The following PDZD2 variants were observed in gnomAD, a reference collection of about 807,000 sequenced individuals.
PDZD2 encodes the protein PDZ domain containing 2, also known as PDZ domain-containing protein 2.
PDZD2 carries 90 observed loss-of-function variants against 220.7 expected under a neutral mutation model. The observed-to-expected ratio is 0.41, with a 90% CI of 0.34 to 0.49. The LOEUF is 0.49. Ranked by LOEUF, PDZD2 falls within the 20% of genes least tolerant of loss-of-function variation. The pLI is 0.28. For missense variants in PDZD2, 3,174 were observed against 3,608.5 expected (o/e 0.88, Z 3.08); for synonymous variants, 1,375 against 1,450.5 (o/e 0.95, Z 1.18).
intron 1 of PDZD2, among the ~76,000 whole-genome samples, chr5:31,716,892 C>G (rs1241045872): frequency 1.3e-5 from 2 of 152,004 alleles, no homozygotes; most frequent in Non-Finnish European, 2.9e-5. Flanking sequence ...TAATACCTGG[C>G]CCTGGATGAT....
In PDZD2 at chr5:31,663,162, T is replaced by C. The variant is rs114413738; in HGVS notation, c.-361+23725T>C. Among the ~76,000 whole-genome samples, 182 of 152,310 alleles carry C rather than the reference T, an allele frequency of 1.2e-3. 1 individual carries two copies. The highest frequency in any genetic ancestry group is 4.2e-3 in the African/African-American group (176 of 41,582). On this transcript the variant is annotated intron_variant, in intron 1 of 24. Coordinates refer to ENST00000438447, the MANE Select transcript of PDZD2 (RefSeq NM_178140.4). ...TAAATTAAGCTACCCATAAAAAATATCCTGTTTCTGTTAGGAATAAGTTCC... is the reference window on the plus strand; with the variant it reads ...TAAATTAAGCTACCCATAAAAAATACCCTGTTTCTGTTAGGAATAAGTTCC...
In PDZD2 at chr5:32,110,231, A is replaced by C. The variant is rs879942651; in HGVS notation, c.*2096A>C. 6.5e-6 allele frequency: 1 copy of C among 152,690 alleles called. No individual in the cohort carries two copies. Among genetic ancestry groups the C allele is most frequent in the East Asian group, 1.9e-4 (1 of 5,208 alleles). 9.5% of individuals were successfully genotyped at this position (152,690 alleles called of 1,614,324 possible). A position where few individuals can be genotyped will look rare whatever the true frequency, so the allele number is the denominator to read the frequency against. On this transcript the variant is annotated 3_prime_UTR_variant, in exon 25 of 25. Coordinates refer to ENST00000438447, the MANE Select transcript of PDZD2 (RefSeq NM_178140.4). Reference sequence around the variant, plus strand: ...GTGAACAGACAGGAATTTCTTGTGCAATGTGGAGCAAATGGAATGGTCTCC... The same window carrying C: ...GTGAACAGACAGGAATTTCTTGTGCCATGTGGAGCAAATGGAATGGTCTCC...
intron 19 of PDZD2, chr5:32,077,817 C>A (rs973040130): frequency 2.2e-6 from 1 of 456,376 alleles, no homozygotes; most frequent in Non-Finnish European, 4.1e-6. Context: ...ATTAGCCGGG[C>A]GTGGTGGTGC....
chr5:31,727,028 T>C (rs548999934), intron 1 of PDZD2, among the ~76,000 whole-genome samples: 6 of 151,408 alleles, frequency 4.0e-5, no homozygotes, highest in Non-Finnish European at 8.8e-5. Context: ...AGAGAAAGGG[T>C]GGGGGTGCCA....
chr5:31,816,482 G>T (rs939333142), intron 2 of PDZD2, among the ~76,000 whole-genome samples: 28 of 152,010 alleles, frequency 1.8e-4, no homozygotes, highest in African/African-American at 6.3e-4. Context: ...ACTACTTTTC[G>T]AAAGAAAGTC....
At chr5:32,064,961 T>C (rs1740081441) in intron 14 of PDZD2, among the ~76,000 whole-genome samples, 1 of 151,490 alleles carries the variant, frequency 6.6e-6, no homozygotes, top group South Asian at 2.1e-4. Flanking sequence ...GAGCAAGACT[T>C]TGTCTCAAAA....
At chr5:31,775,889 G>A (rs894460667) in intron 1 of PDZD2, among the ~76,000 whole-genome samples, 40 of 151,980 alleles carry the variant, frequency 2.6e-4, no homozygotes, top group African/African-American at 9.2e-4. Flanking sequence ...TGGCTCTCCC[G>A]GGCCCTGTGG....
At chr5:31,997,908 T>C (rs903036764) in intron 4 of PDZD2, among the ~76,000 whole-genome samples, 22 of 152,210 alleles carry the variant, frequency 1.4e-4, no homozygotes, top group Admixed American at 2.0e-4. Context: ...AGTGGCGCGA[T>C]CTCGGCTCAC....
chr5:31,998,980 C>T (rs958975522), intron 4 of PDZD2, among the ~76,000 whole-genome samples: 5 of 152,250 alleles, frequency 3.3e-5, no homozygotes, highest in Admixed American at 3.3e-4. Flanking sequence ...GTGGAATCCA[C>T]AGAACTGTTG....
intron 2 of PDZD2, among the ~76,000 whole-genome samples, chr5:31,949,123 A>G (rs958659828): frequency 7.0e-6 from 1 of 143,334 alleles, no homozygotes; most frequent in Non-Finnish European, 1.5e-5. Context: ...AAAAAAAAAA[A>G]TAGTGTTCCT....
intron 1 of PDZD2, among the ~76,000 whole-genome samples, chr5:31,698,821 G>A (rs1747489999): frequency 6.6e-6 from 1 of 152,220 alleles, no homozygotes; most frequent in African/African-American, 2.4e-5. Flanking sequence ...AGTACCTGCA[G>A]ATTCGGGCGG....
chr5:32,029,329 T>TAAAAAAAAAAAAAAAAAAAAAAAAAAAA lies in PDZD2; in HGVS notation c.1408-7878_1408-7877insAAAAAAAAAAAAAAAAAAAAAAAAAAAA, dbSNP rs34025632. 4.6e-5 allele frequency among the ~76,000 whole-genome samples: 3 copies of TAAAAAAAAAAAAAAAAAAAAAAAAAAAA among 65,834 alleles called. 1 individual carries two copies. The highest frequency in any genetic ancestry group is 5.9e-5 in the African/African-American group (1 of 17,024). The allele number at this position is 65,834 out of a possible 152,430, so 43.2% of individuals were successfully genotyped here. A position where few individuals can be genotyped will look rare whatever the true frequency, so the allele number is the denominator to read the frequency against. ...TTGCCAAAGGTAGTATCAAGAACTGTAAAAAAAAAAAAAAAAAAAAAAAAG... is the reference window on the plus strand; with the variant it reads ...TTGCCAAAGGTAGTATCAAGAACTGTAAAAAAAAAAAAAAAAAAAAAAAAAAAAAAAAAAAAAAAAAAAAAAAAAAAAG... On this transcript the variant is annotated intron_variant, in intron 6 of 24. Coordinates refer to ENST00000438447, the MANE Select transcript of PDZD2 (RefSeq NM_178140.4).
In PDZD2 at chr5:31,775,403, G is replaced by A. The variant is rs114344543; in HGVS notation, c.-360-23486G>A. On this transcript the variant is annotated intron_variant, in intron 1 of 24. Transcript: ENST00000438447. The stretch of plus-strand genomic sequence containing the variant: ...GCGGCTTGGCAGTTCATTATCTGAG[G>A]ACGGATTTGACGTAATAGAGACAAT... Among the ~76,000 whole-genome samples the A allele has an allele frequency of 2.4e-3, 360 of 151,756 alleles. 2 individuals are homozygous for A. Among genetic ancestry groups the A allele is most frequent in the Non-Finnish European group, 4.3e-3 (293 of 67,974 alleles).
intron 2 of PDZD2, among the ~76,000 whole-genome samples, chr5:31,821,496 T>G (rs1309357864): frequency 6.6e-6 from 1 of 152,096 alleles, no homozygotes; most frequent in African/African-American, 2.4e-5. Context: ...TTTTCCTGCC[T>G]CAGCCTCCTG....
chr5:31,697,718 TC>T (rs1381324043), intron 1 of PDZD2, among the ~76,000 whole-genome samples: 34 of 152,040 alleles, frequency 2.2e-4, no homozygotes, highest in Admixed American at 6.6e-5. Flanking sequence ...CTCCAGCTGC[TC>T]CATGGTACCA....
chr5:31,836,974 C>A lies in PDZD2; in HGVS notation c.476+37250C>A, dbSNP rs574830501. 4.4e-4 allele frequency among the ~76,000 whole-genome samples: 66 copies of A among 151,100 alleles called. 2 individuals are homozygous for A. The highest frequency in any genetic ancestry group is 7.8e-4 in the Non-Finnish European group (53 of 67,934). On this transcript the variant is annotated intron_variant, in intron 2 of 24. Coordinates refer to ENST00000438447, the MANE Select transcript of PDZD2 (RefSeq NM_178140.4). ...TGGAGGTTGCAGTGAGCCAAGATCA[C>A]GCCATTGCATTCCAGCCTGGGCAAC...
intron 2 of PDZD2, among the ~76,000 whole-genome samples, chr5:31,906,254 A>G (rs1425388003): frequency 1.4e-5 from 2 of 138,564 alleles, no homozygotes; most frequent in African/African-American, 5.3e-5. Flanking sequence ...CGATGTCCAA[A>G]TGTTCGCTGA....
intron 1 of PDZD2, among the ~76,000 whole-genome samples, chr5:31,761,075 G>A (rs1751618757): frequency 6.6e-6 from 1 of 152,158 alleles, no homozygotes; most frequent in South Asian, 2.1e-4. Context: ...AGGGGTGGTG[G>A]TGACGGGAGT....
At chr5:31,867,125 ACCT>A (rs769651347) in intron 2 of PDZD2, among the ~76,000 whole-genome samples, 13 of 152,082 alleles carry the variant, frequency 8.5e-5, no homozygotes, top group Non-Finnish European at 1.8e-4. Context: ...GGTGCAACTA[ACCT>A]CCACCAGGTA....
Sources: gnomAD v4.1 joint callset for allele counts (sites outside exome capture counted in the v4.1 genomes callset) on GRCh38, gnomAD v4.1.1 for gene constraint, MANE v1.5 for transcripts, NCBI Gene and HGNC (gene_info 2026-07-23, HGNC 2026-07-21) for gene names.